ST6GALNAC3: variants seen among roughly 807,000 people sequenced by gnomAD.
ST6GALNAC3 encodes the protein ST6 N-acetylgalactosaminide alpha-2,6-sialyltransferase 3.
A neutral mutation model predicts 32.7 loss-of-function variants in ST6GALNAC3; 25 were observed. The ratio of observed to expected loss-of-function variants is 0.76; its 90% CI spans 0.56 to 1.07. The LOEUF is 1.07. Ranked by LOEUF, ST6GALNAC3 falls within the 50% of genes least tolerant of loss-of-function variation. The pLI is 0.00. For synonymous variants in ST6GALNAC3, 129 were observed against 133.1 expected, an observed-to-expected ratio of 0.97 and a Z score of 0.21; for missense variants, 355 against 382.4, an observed-to-expected ratio of 0.93 and a Z score of 0.60.
intron 3 of ST6GALNAC3, among the ~76,000 whole-genome samples, chr1:76,517,721 C>A (rs536194257): frequency 6.6e-6 from 1 of 151,826 alleles, no homozygotes; most frequent in East Asian, 1.9e-4. Flanking sequence ...TTGAGTTTAT[C>A]TTTGCAGTAG....
At chr1:76,175,537 G>A (rs1041085103) in intron 1 of ST6GALNAC3, among the ~76,000 whole-genome samples, 1 of 147,938 alleles carries the variant, frequency 6.8e-6, no homozygotes, top group Non-Finnish European at 1.5e-5. Flanking sequence ...TTTTTTTTTG[G>A]TGTGGGCTTG....
chr1:76,096,110 AG>A (rs1647127118), intron 1 of ST6GALNAC3, among the ~76,000 whole-genome samples: 1 of 152,184 alleles, frequency 6.6e-6, no homozygotes, highest in South Asian at 2.1e-4. Flanking sequence ...CTGATGACAA[AG>A]GGCCTGTCAC....
intron 2 of ST6GALNAC3, among the ~76,000 whole-genome samples, chr1:76,316,698 T>C (rs559758644): frequency 4.7e-4 from 71 of 152,220 alleles, no homozygotes; most frequent in African/African-American, 1.6e-3. Flanking sequence ...CAATATACTA[T>C]CTGTTGATCC....
intron 3 of ST6GALNAC3, among the ~76,000 whole-genome samples, chr1:76,478,757 A>ATTATT (rs1249648409): frequency 1.7e-5 from 2 of 119,580 alleles, no homozygotes; most frequent in Non-Finnish European, 3.5e-5. Flanking sequence ...TAGTTTATTA[A>ATTATT]TTCTTTTTTT....
intron 1 of ST6GALNAC3, among the ~76,000 whole-genome samples, chr1:76,134,959 A>G (rs1649844304): frequency 6.6e-6 from 1 of 152,178 alleles, no homozygotes; most frequent in Non-Finnish European, 1.5e-5. Flanking sequence ...CCTGGCCAAC[A>G]TGGTAAAACC....
intron 3 of ST6GALNAC3, 27 bp from the exon 4 acceptor site, chr1:76,627,425 G>GT: frequency 1.4e-6 from 2 of 1,446,006 alleles, no homozygotes; most frequent in Non-Finnish European, 9.7e-7. Context: ...TGTTCTGTTT[G>GT]TTATTGTTTG....
intron 1 of ST6GALNAC3, among the ~76,000 whole-genome samples, chr1:76,186,799 T>C (rs947610510): frequency 2.0e-5 from 3 of 152,174 alleles, no homozygotes; most frequent in Non-Finnish European, 4.4e-5. Context: ...AGCTTGTACA[T>C]GGCACCTCCA....
chr1:76,211,687 A>G (rs1655171455), intron 1 of ST6GALNAC3, among the ~76,000 whole-genome samples: 1 of 152,186 alleles, frequency 6.6e-6, no homozygotes. Context: ...TCACAAGGAC[A>G]AAATACCAAA....
At chr1:76,205,367 G>T (rs939223204) in intron 1 of ST6GALNAC3, among the ~76,000 whole-genome samples, 3 of 152,026 alleles carry the variant, frequency 2.0e-5, no homozygotes, top group African/African-American at 7.2e-5. Flanking sequence ...TGGTGGGCAG[G>T]TCACTACATC....
At chr1:76,463,815 G>A (rs568393858) in intron 3 of ST6GALNAC3, among the ~76,000 whole-genome samples, 2 of 152,126 alleles carry the variant, frequency 1.3e-5, no homozygotes, top group African/African-American at 2.4e-5. Context: ...GGCTGCAATC[G>A]AGGGCTCCCT....
At chr1:76,386,505 T>G (rs1175855703) in intron 2 of ST6GALNAC3, among the ~76,000 whole-genome samples, 1 of 152,202 alleles carries the variant, frequency 6.6e-6, no homozygotes, top group African/African-American at 2.4e-5. Context: ...AGCTGCAAGC[T>G]TTTCAAATGT....
chr1:76,109,519 A>T (rs1333143799), intron 1 of ST6GALNAC3, among the ~76,000 whole-genome samples: 1 of 152,196 alleles, frequency 6.6e-6, no homozygotes, highest in African/African-American at 2.4e-5. Context: ...TTCTGTTTCC[A>T]CCTTTCTAAA....
At chr1:76,213,680 G>A (rs1255262427) in intron 1 of ST6GALNAC3, among the ~76,000 whole-genome samples, 1 of 152,152 alleles carries the variant, frequency 6.6e-6, no homozygotes, top group African/African-American at 2.4e-5. Flanking sequence ...CATTAAAATG[G>A]TGAACATGCA....
At chr1:76,202,268 A>ATGCATGTGTG (rs375529641) in intron 1 of ST6GALNAC3, among the ~76,000 whole-genome samples, 1 of 145,330 alleles carries the variant, frequency 6.9e-6, no homozygotes, top group African/African-American at 2.5e-5. Flanking sequence ...GTGTGCATGC[A>ATGCATGTGTG]TGTGTGTGTG....
rs550926962 is a variant in ST6GALNAC3, at chr1:76,284,372, C to T, written c.19-29433C>T. On this transcript the variant is annotated intron_variant, in intron 1 of 4. Coordinates refer to ENST00000328299, the MANE Select transcript of ST6GALNAC3 (RefSeq NM_152996.4). ...AAAGTAAGAAAATGTTTATGAGGGG[C>T]ACATTGGACATATTTTCTATTCTAT... 1.7e-3 allele frequency among the ~76,000 whole-genome samples: 258 copies of T among 152,212 alleles called. 1 individual carries two copies. Among genetic ancestry groups the T allele is most frequent in the African/African-American group, 5.8e-3 (239 of 41,548 alleles).
rs776827150 is a variant in ST6GALNAC3 at position 76,493,489 on chromosome 1, C to T, written c.623+81072C>T. On this transcript the variant is annotated intron_variant, in intron 3 of 4. Transcript: ENST00000328299. ...TTCACTCCTGATTTTGCACTGTGAT[C>T]TCAAAGTACTGATTCCTGATTTTGA... Among the ~76,000 whole-genome samples the T allele has an allele frequency of 8.5e-4, 130 of 152,154 alleles. 2 individuals carry two copies. Among genetic ancestry groups the T allele is most frequent in the Non-Finnish European group, 1.5e-3 (103 of 68,008 alleles).
intron 1 of ST6GALNAC3, among the ~76,000 whole-genome samples, chr1:76,279,009 C>T (rs1382595018): frequency 6.6e-6 from 1 of 152,182 alleles, no homozygotes; most frequent in Non-Finnish European, 1.5e-5. Context: ...TCTGTCTCCC[C>T]TCACTAAGGT....
chr1:76,595,196 C>T (rs1044913026), intron 3 of ST6GALNAC3, among the ~76,000 whole-genome samples: 4 of 151,998 alleles, frequency 2.6e-5, no homozygotes, highest in South Asian at 2.1e-4. Context: ...GACATAATGC[C>T]GAAAGCCTGA....
In ST6GALNAC3 at chr1:76,224,957, G is replaced by A. The variant is rs540399404; in HGVS notation, c.19-88848G>A. ...ATGGTTTATTTCAGACTGCAGGGAT[G>A]TCAGCCTGTTATTATAGGAGTGGGA... On this transcript the variant is annotated intron_variant, in intron 1 of 4. Transcript: ENST00000328299. Among the ~76,000 whole-genome samples, 61 of 152,240 alleles carry A rather than the reference G, an allele frequency of 4.0e-4. 1 individual carries two copies. In the South Asian group the frequency reaches 0.013, roughly 32 times the overall value.
Sources: allele counts gnomAD v4.1 joint callset (sites outside exome capture counted in the v4.1 genomes callset), GRCh38; gene constraint gnomAD v4.1.1; transcripts MANE v1.5; gene names NCBI Gene and HGNC (gene_info 2026-07-23, HGNC 2026-07-21).